PCDHA7: variants seen among roughly 807,000 people sequenced by gnomAD.
PCDHA7 encodes protocadherin alpha 7.
PCDHA7 carries 37 observed loss-of-function variants against 57.2 expected under a neutral mutation model. The observed-to-expected ratio is 0.65, with a 90% confidence interval of 0.50 to 0.85. The LOEUF (loss-of-function observed/expected upper bound fraction) is 0.85, where lower values mean the gene tolerates loss of function less well. PCDHA7 is among the 40% of genes least tolerant of loss of function. The probability of loss-of-function intolerance (pLI) is 0.00; values close to 1 mark genes in which losing one functional copy is unlikely to be tolerated. For synonymous variants in PCDHA7, 553 were observed against 558.8 expected, an observed-to-expected ratio of 0.99 and a Z score of 0.15; for missense variants, 1,188 against 1,241.8, an observed-to-expected ratio of 0.96 and a Z score of 0.65.
At chr5:140,846,050 C>T (rs2150384063) in intron 1 of PCDHA7, among the ~76,000 whole-genome samples, 1 of 149,776 alleles carries the variant, frequency 6.7e-6, no homozygotes, top group African/African-American at 2.4e-5. Flanking sequence ...GTTAACACCA[C>T]CTATGTGGGA....
At chr5:140,872,095 C>G (rs2053482377) in intron 1 of PCDHA7, among the ~76,000 whole-genome samples, 1 of 152,150 alleles carries the variant, frequency 6.6e-6, no homozygotes, top group African/African-American at 2.4e-5. Context: ...GCACTTAGTC[C>G]ATTGGCTTTC....
chr5:140,954,383 T>C (rs1333017700), intron 1 of PCDHA7, among the ~76,000 whole-genome samples: 6 of 152,208 alleles, frequency 3.9e-5, no homozygotes, highest in African/African-American at 1.4e-4. Context: ...ATGAGTGAAC[T>C]AATTTACAAC....
intron 1 of PCDHA7, chr5:140,853,991 C>A: frequency 2.1e-6 from 1 of 473,788 alleles, no homozygotes; most frequent in Non-Finnish European, 2.8e-6. Context: ...TAGTGAGACT[C>A]ATCTCTGCCA....
At chr5:141,002,733 G>T (rs556024108) in intron 3 of PCDHA7, among the ~76,000 whole-genome samples, 1 of 152,314 alleles carries the variant, frequency 6.6e-6, no homozygotes, top group Admixed American at 6.5e-5. Context: ...CACAGTAAAT[G>T]TTAACTACAT....
intron 2 of PCDHA7, among the ~76,000 whole-genome samples, chr5:140,980,093 G>A (rs1223807762): frequency 2.0e-5 from 3 of 152,166 alleles, no homozygotes; most frequent in South Asian, 2.1e-4. Context: ...AGTTGGCTTG[G>A]TAAGATGTCA....
intron 1 of PCDHA7, among the ~76,000 whole-genome samples, chr5:140,933,379 G>A (rs1403607512): frequency 6.6e-6 from 1 of 151,928 alleles, no homozygotes; most frequent in East Asian, 1.9e-4. Flanking sequence ...TTCCTTGGCT[G>A]TTCCTAGAGC....
rs2150251351 is a variant in PCDHA7, at chr5:140,836,045, C to T, written c.1662C>T (p.Phe554=). The T allele has an allele frequency of 1.9e-6, 3 of 1,613,202 alleles. No homozygotes were observed. The highest frequency in any genetic ancestry group is 2.2e-5 in the East Asian group (1 of 44,846). The stretch of plus-strand genomic sequence containing the variant: ...GCAGCAACGTGACGCTGCAGGTGTT[C>T]GTGCTGGACGAGAACGACAACGCGC... ...PLGSNVTLQV[F]VLDENDNAPA... The change falls in exon 1 of 4, where the codon TTC becomes TTT. Residue 554 remains phenylalanine (F), a synonymous_variant. Transcript: ENST00000525929.
intron 1 of PCDHA7, chr5:140,863,139 G>A (rs1554157817): frequency 3.3e-6 from 2 of 605,396 alleles, no homozygotes; most frequent in African/African-American, 3.7e-5. Flanking sequence ...GCCTGCTGGT[G>A]CTGGTGAAGG....
At chr5:140,883,519 CG>C in intron 1 of PCDHA7, 1 of 1,614,190 alleles carries the variant, frequency 6.2e-7, no homozygotes, top group African/African-American at 1.3e-5. Flanking sequence ...ACCGCGAGAG[CG>C]TATCAGCCTA....
intron 1 of PCDHA7, among the ~76,000 whole-genome samples, chr5:140,887,610 A>G (rs544288452): frequency 3.2e-4 from 49 of 151,656 alleles, no homozygotes; most frequent in Admixed American, 2.7e-3. Context: ...GTGCTTTAGT[A>G]TGGTTTTCTT....
chr5:140,839,667 G>A (rs1375568663), intron 1 of PCDHA7, among the ~76,000 whole-genome samples: 4 of 152,038 alleles, frequency 2.6e-5, no homozygotes, highest in African/African-American at 4.8e-5. Context: ...CTACTATTTA[G>A]AGTCAACTAC....
At chr5:140,883,593 C>T (rs2059688395) in intron 1 of PCDHA7, 1 of 1,613,954 alleles carries the variant, frequency 6.2e-7, no homozygotes, top group Non-Finnish European at 8.5e-7. Context: ...GCCAGCGTGT[C>T]GGTGGGGGTG....
At chr5:140,912,523 A>G (rs550105639) in intron 1 of PCDHA7, among the ~76,000 whole-genome samples, 1 of 152,248 alleles carries the variant, frequency 6.6e-6, no homozygotes, top group East Asian at 1.9e-4. Context: ...TAGGGTTTTC[A>G]GAGTACATGA....
intron 1 of PCDHA7, chr5:140,877,744 G>A (rs200651425): frequency 6.2e-7 from 1 of 1,614,080 alleles, no homozygotes; most frequent in African/African-American, 1.3e-5. Flanking sequence ...GAGGCAGAGG[G>A]TGTGCTCTGC....
intron 3 of PCDHA7, among the ~76,000 whole-genome samples, chr5:140,987,219 A>G (rs1340141684): frequency 6.6e-6 from 1 of 151,240 alleles, no homozygotes; most frequent in African/African-American, 2.5e-5. Flanking sequence ...ATCTCAAAAA[A>G]AAAAAAAATA....
In PCDHA7 at chr5:140,857,202, C is replaced by A. The variant is rs560343247; in HGVS notation, c.2355+20464C>A. 14 of 1,598,626 alleles carry A rather than the reference C, an allele frequency of 8.8e-6. No individual in the cohort carries two copies. In the African/African-American group the frequency reaches 1.1e-4, roughly 12 times the overall value. On this transcript the variant is annotated intron_variant, in intron 1 of 3. Coordinates refer to ENST00000525929, the MANE Select transcript of PCDHA7 (RefSeq NM_018910.3). The stretch of plus-strand genomic sequence containing the variant: ...GATTCAGGAGCCAACGGACAGGTCA[C>A]CTGCTCTCTGACGCCTCACGTTCCG...
intron 1 of PCDHA7, 81 bp downstream of exon 1, chr5:140,836,819 C>T (rs1774763435): frequency 1.8e-6 from 2 of 1,113,462 alleles, no homozygotes; most frequent in African/African-American, 1.6e-5. Context: ...TTCATAATTT[C>T]TTTTTTAGTT....
At chr5:140,884,794 A>G in intron 1 of PCDHA7, 1 of 1,280,100 alleles carries the variant, frequency 7.8e-7, no homozygotes, top group East Asian at 2.6e-5. Flanking sequence ...TTGTTATCGA[A>G]TTTAACAACT....
chr5:140,863,400 G>A, intron 1 of PCDHA7: 2 of 854,178 alleles, frequency 2.3e-6, no homozygotes, highest in Admixed American at 1.9e-5. Flanking sequence ...TGCCGGGCAA[G>A]CCCACGCTGG....
Sources: gnomAD v4.1 joint callset for allele counts (sites outside exome capture counted in the v4.1 genomes callset) on GRCh38, gnomAD v4.1.1 for gene constraint, MANE v1.5 for transcripts, NCBI Gene and HGNC (gene_info 2026-07-23, HGNC 2026-07-21) for gene names.